The following ZNF48 variants were observed in gnomAD, a reference collection of about 807,000 sequenced individuals.
The protein encoded by ZNF48 is zinc finger protein 48.
ZNF48 carries 20 observed loss-of-function variants against 40.0 expected under a neutral mutation model. The observed-to-expected ratio is 0.50, with a 90% CI of 0.35 to 0.73. The LOEUF is 0.73. ZNF48 is among the 30% of genes least tolerant of loss of function. The pLI, the probability that ZNF48 is intolerant of heterozygous loss-of-function variation, is 0.01. For missense variants in ZNF48, 726 were observed against 851.9 expected, an observed-to-expected ratio of 0.85 and a Z score of 1.84; for synonymous variants, 298 against 329.7, an observed-to-expected ratio of 0.90 and a Z score of 1.04.
Position 30,381,876 on chromosome 16 carries a change from C to T in ZNF48, c.-16+3466C>T. On this transcript the variant is annotated intron_variant, in intron 1 of 2. Coordinates refer to the ZNF48 transcript ENST00000528032. The surrounding 1 kb of genome is among the most constrained non-coding windows in gnomAD (Gnocchi z 4.3). The stretch of plus-strand genomic sequence containing the variant: ...GGCGCTCAATGGCCAGGGTCTGTGT[C>T]AAGCGAGCTGTGGGATGGGGGAGAG... 6.2e-7 allele frequency: 1 copy of T among 1,614,126 alleles called. No individual in the cohort carries two copies. The highest frequency in any genetic ancestry group is 8.5e-7 in the Non-Finnish European group (1 of 1,179,994).
chr16:30,396,363 C>T (rs564174439), intron 2 of ZNF48, among the ~76,000 whole-genome samples: 1 of 152,282 alleles, frequency 6.6e-6, no homozygotes, highest in South Asian at 2.1e-4. Flanking sequence ...TCTCTTCGCT[C>T]TGCCGTAATG....
Position 30,398,371 on chromosome 16 carries a change from T to A in ZNF48, c.1121T>A (p.Leu374His). ...CGTACCTTCAGCCTCAGCTCCACCC[T>A]TCTTCGCCACCGCCTCACTCACATG... The part of the protein sequence containing the change: ...CDRTFSLSST[L>H]LRHRLTHMEP... The change falls in exon 3 of 3, where the codon CTT (leucine) becomes CAT (histidine). Residue 374 changes from leucine to histidine, a missense_variant. This residue lies in a region of ZNF48 where 378 missense variants were observed against 449.1 expected (regional missense o/e 0.84). Coordinates refer to ENST00000613509, the MANE Select transcript of ZNF48 (RefSeq NM_001214909.2). The surrounding 1 kb of genome is among the most constrained non-coding windows in gnomAD (Gnocchi z 6.6). 1 of 1,613,058 alleles carries A rather than the reference T, an allele frequency of 6.2e-7. No homozygotes were observed. The highest frequency in any genetic ancestry group is 8.5e-7 in the Non-Finnish European group (1 of 1,179,632).
Position 30,398,486 on chromosome 16 carries a change from G to C in ZNF48, c.1236G>C (p.Leu412=). The change falls in exon 3 of 3, where the codon CTG becomes CTC. Residue 412 remains leucine, a synonymous_variant. Coordinates refer to ENST00000613509, the MANE Select transcript of ZNF48 (RefSeq NM_001214909.2). This position sits in a 1 kb window ranked among gnomAD's most constrained non-coding sequence, Gnocchi z 6.6. Reference sequence around the variant, plus strand: ...CTCCTCTGGGCACCAGCCCCCCGCTGACACCTCGAAGTCCCTCACACTCGG... The same window carrying C: ...CTCCTCTGGGCACCAGCCCCCCGCTCACACCTCGAAGTCCCTCACACTCGG... ...PPPPLGTSPP[L]TPRSPSHSGE... The C allele has an allele frequency of 6.3e-7, 1 of 1,585,294 alleles. No homozygotes were observed.
At chr16:30,379,332 C>T (rs2049805632) in intron 1 of ZNF48, 1 of 1,405,444 alleles carries the variant, frequency 7.1e-7, no homozygotes, top group Admixed American at 1.8e-5. Context: ...CTCCTAGGAT[C>T]CCCTGGGACC....
rs1370510213 is a variant in ZNF48 at position 30,382,239 on chromosome 16, A to T, written c.-16+3829A>T. On this transcript the variant is annotated intron_variant, in intron 1 of 2. Transcript: ENST00000528032. The surrounding 1 kb of genome is among the most constrained non-coding windows in gnomAD (Gnocchi z 4.8). ...GGGACAGCCAGGGCCTCCTAAGGAC[A>T]TCCCCTCCGCAGTTCCCTCTCCAAA... 6.2e-7 allele frequency: 1 copy of T among 1,612,632 alleles called. No homozygotes were observed. Among genetic ancestry groups the T allele is most frequent in the South Asian group, 1.1e-5 (1 of 91,038 alleles).
At position 30,399,480 on chromosome 16, in the gene ZNF48, C is replaced by T. The variant is rs1425726165; in HGVS notation, c.*373C>T. 2 of 168,770 alleles carry T rather than the reference C, an allele frequency of 1.2e-5. No homozygotes were observed. Among genetic ancestry groups the T allele is most frequent in the Admixed American group, 6.1e-5 (1 of 16,370 alleles). The allele number at this position is 168,770 out of a possible 1,614,324, so 10.5% of individuals were successfully genotyped here. ...TGGGCAGGTAGTACACACCTGTAAT[C>T]CCAGCAGTTTGGGAGGCTGAGGTGG... On this transcript the variant is annotated 3_prime_UTR_variant, in exon 3 of 3. Coordinates refer to ENST00000613509, the MANE Select transcript of ZNF48 (RefSeq NM_001214909.2).
intron 1 of ZNF48, among the ~76,000 whole-genome samples, chr16:30,387,406 T>G (rs2049910299): frequency 6.8e-6 from 1 of 147,108 alleles, no homozygotes; most frequent in South Asian, 2.2e-4. Context: ...AATACAAAAA[T>G]TAGCCAGGCA....
intron 1 of ZNF48, chr16:30,379,445 C>G: frequency 6.2e-7 from 1 of 1,613,468 alleles, no homozygotes; most frequent in Non-Finnish European, 8.5e-7. Context: ...CCTCCACGGT[C>G]CCCCAGGAGT....
chr16:30,379,267 C>T, intron 1 of ZNF48: 1 of 1,548,974 alleles, frequency 6.5e-7, no homozygotes, highest in Non-Finnish European at 8.8e-7. Flanking sequence ...ACAGGAAAGT[C>T]CTGCTGCCAC....
At chr16:30,379,555 G>T (rs1314268855) in intron 1 of ZNF48, 1 of 1,584,510 alleles carries the variant, frequency 6.3e-7, no homozygotes, top group Admixed American at 1.7e-5. Flanking sequence ...GGGGGCAGGG[G>T]TTCACCATTG....
intron 1 of ZNF48, chr16:30,379,320 T>A (rs1415311442): frequency 1.4e-6 from 2 of 1,432,972 alleles, no homozygotes; most frequent in Non-Finnish European, 1.9e-6. Context: ...GACCCCCCTT[T>A]CCTCCTAGGA....
Position 30,397,461 on chromosome 16 carries a change from G to C in ZNF48, c.211G>C (p.Gly71Arg). Residue 71 changes from glycine to arginine, a missense_variant, in exon 3 of 3, where the codon GGC becomes CGC. By Grantham distance (125) the Gly-to-Arg change is moderately radical. Around this residue, in one of 5 missense-constraint regions of ZNF48, gnomAD observed 151 missense variants for 162.3 expected, o/e 0.93. Transcript: ENST00000613509. This position sits in a 1 kb window ranked among gnomAD's most constrained non-coding sequence, Gnocchi z 4.1. The part of the protein sequence containing the change: ...EVGNASLKPE[G>R]IQNWDDLWVQ... ...AGGAAATGCCTCTCTCAAACCTGAA[G>C]GCATCCAGAACTGGGATGACTTATG... 6.2e-7 allele frequency: 1 copy of C among 1,614,140 alleles called. No individual in the cohort carries two copies. The highest frequency in any genetic ancestry group is 8.5e-7 in the Non-Finnish European group (1 of 1,180,020).
chr16:30,397,259 T>C lies in ZNF48; in HGVS notation c.80-71T>C. The C allele has an allele frequency of 7.2e-7, 1 of 1,396,346 alleles. No individual in the cohort carries two copies. Among genetic ancestry groups the C allele is most frequent in the South Asian group, 1.4e-5 (1 of 73,162 alleles). 86.5% of individuals were successfully genotyped at this position (1,396,346 alleles called of 1,614,324 possible). On this transcript the variant is annotated intron_variant, in intron 2 of 2. Coordinates refer to ENST00000613509, the MANE Select transcript of ZNF48 (RefSeq NM_001214909.2). The surrounding 1 kb of genome is among the most constrained non-coding windows in gnomAD (Gnocchi z 4.1). ...CCACAGATTGTCAAGGGAGTCTTCC[T>C]GGAGAGGTTGCTGTCAAAGATAAGT... is the stretch of plus-strand genomic sequence containing the variant.
At position 30,398,069 on chromosome 16, in the gene ZNF48, G is replaced by A. The variant is rs1339218455; in HGVS notation, c.819G>A (p.Lys273=). 2 of 1,613,214 alleles carry A rather than the reference G, an allele frequency of 1.2e-6. No homozygotes were observed. The highest frequency in any genetic ancestry group is 1.7e-6 in the Non-Finnish European group (2 of 1,179,496). The part of the protein sequence containing the change: ...AATQGPKAQD[K]PYICTDCGKR... ...CCCAGGGACCGAAGGCCCAGGACAAGCCATATATCTGCACTGATTGCGGCA... is the reference window on the plus strand; with the variant it reads ...CCCAGGGACCGAAGGCCCAGGACAAACCATATATCTGCACTGATTGCGGCA... The change falls in exon 3 of 3, where the codon AAG becomes AAA. Residue 273 remains lysine, a synonymous_variant. Transcript: ENST00000613509. The surrounding 1 kb of genome is among the most constrained non-coding windows in gnomAD (Gnocchi z 6.6).
Position 30,399,317 on chromosome 16 carries a change from T to C in ZNF48, c.*210T>C. On this transcript the variant is annotated 3_prime_UTR_variant, in exon 3 of 3. Transcript: ENST00000613509. ...GTCAGGACCTTGCCAGGACGGGCTGTACCCCTGGCTTCTAGAAGACTGCCT... is the reference window on the plus strand; with the variant it reads ...GTCAGGACCTTGCCAGGACGGGCTGCACCCCTGGCTTCTAGAAGACTGCCT... 1.9e-6 allele frequency: 1 copy of C among 522,062 alleles called. No individual in the cohort carries two copies. 32.3% of individuals were successfully genotyped at this position (522,062 alleles called of 1,614,324 possible). A position where few individuals can be genotyped will look rare whatever the true frequency, so the allele number is the denominator to read the frequency against.
Position 30,379,911 on chromosome 16 carries a change from T to C in ZNF48, c.-16+1501T>C, listed in dbSNP as rs372572766. Reference sequence around the variant, plus strand: ...CGTGAGCCACCGTGCCCGGCCTGCCTTCCTTCTTTGTTTCCCACACCTTCA... The same window carrying C: ...CGTGAGCCACCGTGCCCGGCCTGCCCTCCTTCTTTGTTTCCCACACCTTCA... On this transcript the variant is annotated intron_variant, in intron 1 of 2. Transcript: ENST00000528032. The C allele has an allele frequency of 1.2e-5, 16 of 1,374,848 alleles. No homozygotes were observed. In the African/African-American group the frequency reaches 2.2e-4, roughly 18 times the overall value. The allele number at this position is 1,374,848 out of a possible 1,614,324, so 85.2% of individuals were successfully genotyped here.
intron 1 of ZNF48, among the ~76,000 whole-genome samples, chr16:30,389,546 C>T (rs1210472554): frequency 2.0e-5 from 3 of 149,158 alleles, no homozygotes; most frequent in Non-Finnish European, 4.4e-5. Flanking sequence ...GCACTCCAGC[C>T]TGGGCAACAG....
At chr16:30,379,246 G>C in intron 1 of ZNF48, 2 of 1,593,996 alleles carry the variant, frequency 1.3e-6, no homozygotes, top group Admixed American at 1.7e-5. Flanking sequence ...CCACCCGTAA[G>C]GGTCGGGTCT....
Position 30,381,051 on chromosome 16 carries a change from T to G in ZNF48, c.-16+2641T>G, listed in dbSNP as rs1193991143. The G allele has an allele frequency of 8.2e-7, 1 of 1,218,576 alleles. No homozygotes were observed. Among genetic ancestry groups the G allele is most frequent in the Non-Finnish European group, 1.2e-6 (1 of 820,298 alleles). The allele number at this position is 1,218,576 out of a possible 1,614,324, so 75.5% of individuals were successfully genotyped here. On this transcript the variant is annotated intron_variant, in intron 1 of 2. Transcript: ENST00000528032. This position sits in a 1 kb window ranked among gnomAD's most constrained non-coding sequence, Gnocchi z 4.3. The stretch of plus-strand genomic sequence containing the variant: ...TGCACCATGCTCCAGAAAGGCCACT[T>G]CAAGATCAAAGAAGTCTAAGCTGAA...
Sources: allele counts gnomAD v4.1 joint callset (sites outside exome capture counted in the v4.1 genomes callset), GRCh38; gene constraint gnomAD v4.1.1; regional missense constraint gnomAD v4.1.1; non-coding constraint Gnocchi (gnomAD v3.1); transcripts MANE v1.5; gene names NCBI Gene and HGNC (gene_info 2026-07-23, HGNC 2026-07-21).